The following LDB2 variants were observed in gnomAD, a reference collection of about 807,000 sequenced individuals.
LDB2 encodes the protein LIM domain-binding protein 2.
In LDB2, 12 loss-of-function variants were observed where a neutral mutation model predicts 44.3. The ratio of observed to expected loss-of-function variants is 0.27; its 90% CI spans 0.17 to 0.44. The LOEUF (loss-of-function observed/expected upper bound fraction) is 0.44. Ranked by LOEUF, LDB2 falls within the 20% of genes least tolerant of loss-of-function variation. The pLI is 1.00. For synonymous variants in LDB2, 164 were observed against 174.8 expected, an observed-to-expected ratio of 0.94 and a Z score of 0.49; for missense variants, 344 against 473.5, an observed-to-expected ratio of 0.73 and a Z score of 2.54.
chr4:16,852,033 G>C (rs1215048971), intron 1 of LDB2, among the ~76,000 whole-genome samples: 2 of 152,292 alleles, frequency 1.3e-5, no homozygotes, highest in African/African-American at 2.4e-5. Flanking sequence ...TGAAATCACA[G>C]GCAGTTGGGA....
At chr4:16,631,424 C>T (rs1256790697) in intron 2 of LDB2, among the ~76,000 whole-genome samples, 1 of 151,552 alleles carries the variant, frequency 6.6e-6, no homozygotes, top group Non-Finnish European at 1.5e-5. Context: ...CTCTGGGACT[C>T]ATTTAAAGCA....
chr4:16,662,214 A>C (rs922561652), intron 2 of LDB2, among the ~76,000 whole-genome samples: 1 of 152,128 alleles, frequency 6.6e-6, no homozygotes, highest in African/African-American at 2.4e-5. Context: ...GTCCCTACTC[A>C]TCAGACCCTG....
intron 5 of LDB2, among the ~76,000 whole-genome samples, chr4:16,566,267 G>T (rs1363326696): frequency 6.6e-6 from 1 of 151,934 alleles, no homozygotes; most frequent in Non-Finnish European, 1.5e-5. Context: ...TCTAACAGAT[G>T]CTAACATATA....
intron 5 of LDB2, among the ~76,000 whole-genome samples, chr4:16,557,028 A>G (rs1739880435): frequency 6.6e-6 from 1 of 152,224 alleles, no homozygotes; most frequent in African/African-American, 2.4e-5. Flanking sequence ...AACTGTGGCC[A>G]TACTTTCCTT....
intron 5 of LDB2, among the ~76,000 whole-genome samples, chr4:16,531,942 G>C (rs1730280637): frequency 6.6e-6 from 1 of 152,136 alleles, no homozygotes; most frequent in Non-Finnish European, 1.5e-5. Context: ...AGGTAGCAGA[G>C]GACCTGAGAT....
rs137876673 is a variant in LDB2, at chr4:16,508,311, C to T, written c.891+224G>A. Among the ~76,000 whole-genome samples the T allele has an allele frequency of 1.9e-3, 285 of 152,266 alleles. 1 individual carries two copies. Among genetic ancestry groups the T allele is most frequent in the East Asian group, 0.01 (53 of 5,176 alleles). Reference sequence around the variant, plus strand: ...TTTTAATTCAGGTCCCATTGCAGCACGACTCTTAATATTCCTTTCTAATTC... The same window carrying T: ...TTTTAATTCAGGTCCCATTGCAGCATGACTCTTAATATTCCTTTCTAATTC... On this transcript the variant is annotated intron_variant, in intron 7 of 7. Transcript: ENST00000304523.
chr4:16,532,681 A>G (rs1033305754), intron 5 of LDB2, among the ~76,000 whole-genome samples: 1 of 152,082 alleles, frequency 6.6e-6, no homozygotes, highest in Non-Finnish European at 1.5e-5. Flanking sequence ...TTTTTCCCCC[A>G]TTACCCTAAT....
At chr4:16,724,113 A>C (rs960924054) in intron 2 of LDB2, among the ~76,000 whole-genome samples, 4 of 152,160 alleles carry the variant, frequency 2.6e-5, no homozygotes, top group Non-Finnish European at 4.4e-5. Context: ...TGTCATACAA[A>C]TATAGAAAAT....
intron 2 of LDB2, among the ~76,000 whole-genome samples, chr4:16,604,314 T>C (rs539559773): frequency 6.6e-6 from 1 of 152,154 alleles, no homozygotes; most frequent in Non-Finnish European, 1.5e-5. Context: ...TTCATTAATA[T>C]TAATAGCTTT....
chr4:16,527,648 T>A (rs1476241257), intron 5 of LDB2, among the ~76,000 whole-genome samples: 1 of 152,118 alleles, frequency 6.6e-6, no homozygotes, highest in African/African-American at 2.4e-5. Context: ...AATTTGCAAT[T>A]GCGAAAATGT....
At chr4:16,628,469 T>A (rs1222784378) in intron 2 of LDB2, among the ~76,000 whole-genome samples, 1 of 152,154 alleles carries the variant, frequency 6.6e-6, no homozygotes, top group Non-Finnish European at 1.5e-5. Flanking sequence ...ATCAGATCCA[T>A]CTTCCTATGA....
chr4:16,739,636 GTATATATACATA>G lies in LDB2; in HGVS notation c.235+19510_235+19521del, dbSNP rs1561054966. On this transcript the variant is annotated intron_variant, in intron 2 of 7. Transcript: ENST00000304523. ...TATATATACATGTGTGTGTATATAT[GTATATATACATA>G]TGTGTGTATATATGTATATATACAT... 6.0e-4 allele frequency among the ~76,000 whole-genome samples: 38 copies of G among 63,666 alleles called. 4 individuals carry two copies. Among genetic ancestry groups the G allele is most frequent in the African/African-American group, 2.4e-3 (36 of 15,026 alleles). 41.8% of individuals were successfully genotyped at this position (63,666 alleles called of 152,430 possible).
intron 5 of LDB2, among the ~76,000 whole-genome samples, chr4:16,576,348 TA>T (rs144291428): frequency 3.3e-4 from 49 of 147,426 alleles, no homozygotes; most frequent in African/African-American, 8.7e-4. Flanking sequence ...AGCCAGATTT[TA>T]AAAAAAAAAG....
chr4:16,577,578 C>CA (rs925680906), intron 5 of LDB2, among the ~76,000 whole-genome samples: 2 of 151,910 alleles, frequency 1.3e-5, no homozygotes, highest in Admixed American at 6.6e-5. Context: ...AGAGGATATA[C>CA]AAAAATGGAA....
chr4:16,696,202 A>T (rs552290527), intron 2 of LDB2, among the ~76,000 whole-genome samples: 2 of 152,126 alleles, frequency 1.3e-5, no homozygotes, highest in Non-Finnish European at 1.5e-5. Context: ...TCACACCATC[A>T]TCTGGGCTGT....
chr4:16,523,241 A>G (rs1327867667), intron 5 of LDB2, among the ~76,000 whole-genome samples: 1 of 152,220 alleles, frequency 6.6e-6, no homozygotes, highest in South Asian at 2.1e-4. Flanking sequence ...CAAATTCTAT[A>G]TATACCATTT....
intron 5 of LDB2, among the ~76,000 whole-genome samples, chr4:16,568,006 A>G (rs777156608): frequency 3.9e-5 from 6 of 152,214 alleles, no homozygotes; most frequent in Non-Finnish European, 5.9e-5. Context: ...AAATCATAGA[A>G]CCAAGTGGTG....
At chr4:16,688,242 G>A (rs572128975) in intron 2 of LDB2, among the ~76,000 whole-genome samples, 1 of 152,282 alleles carries the variant, frequency 6.6e-6, no homozygotes, top group Non-Finnish European at 1.5e-5. Context: ...TCAGGAACTT[G>A]GAATAAGACA....
At chr4:16,839,587 G>T (rs1785500468) in intron 1 of LDB2, among the ~76,000 whole-genome samples, 1 of 151,994 alleles carries the variant, frequency 6.6e-6, no homozygotes, top group Non-Finnish European at 1.5e-5. Flanking sequence ...GCAAACTGAG[G>T]CTCAAAAAGT....
Sources: allele counts gnomAD v4.1 joint callset (sites outside exome capture counted in the v4.1 genomes callset), GRCh38; gene constraint gnomAD v4.1.1; transcripts MANE v1.5; gene names NCBI Gene and HGNC (gene_info 2026-07-23, HGNC 2026-07-21).